The following PHIP variants were observed in gnomAD, a reference collection of about 807,000 sequenced individuals.
PHIP encodes the protein PHIP subunit of CUL4-Ring ligase complex.
Under a neutral mutation model 236.8 loss-of-function variants are expected in PHIP, and 54 were observed. The ratio of observed to expected loss-of-function variants is 0.23; its 90% CI spans 0.18 to 0.29. The LOEUF (loss-of-function observed/expected upper bound fraction) is 0.29. Among genes scored for constraint, PHIP ranks in the 10% least tolerant of loss-of-function variants. PHIP has a pLI of 1.00. For missense variants in PHIP, 1,370 were observed against 2,190.8 expected (o/e 0.63, Z 7.48); for synonymous variants, 756 against 718.9 (o/e 1.05, Z -0.83).
intron 7 of PHIP, among the ~76,000 whole-genome samples, chr6:79,033,324 C>T (rs1232756132): frequency 1.3e-5 from 2 of 152,174 alleles, no homozygotes; most frequent in Admixed American, 6.5e-5. Context: ...ATTGACTTCT[C>T]TCTAATTATG....
chr6:78,951,195 G>T (rs72902838), intron 35 of PHIP, among the ~76,000 whole-genome samples: 14,397 of 152,020 alleles, frequency 0.095, 791 homozygotes, highest in Middle Eastern at 0.14. Flanking sequence ...ATATAAAAAT[G>T]ATTTTTTAAA....
intron 7 of PHIP, among the ~76,000 whole-genome samples, chr6:79,038,611 C>T (rs1415861): frequency 0.93 from 141,928 of 151,946 alleles, 66,367 homozygotes; most frequent in East Asian, 1. Flanking sequence ...TCTTTTTTTT[C>T]CCCTAGCCTC....
intron 24 of PHIP, among the ~76,000 whole-genome samples, chr6:78,973,217 A>G (rs1767746567): frequency 6.6e-6 from 1 of 152,102 alleles, no homozygotes; most frequent in Non-Finnish European, 1.5e-5. Flanking sequence ...AGTGGGGGCC[A>G]ATATTCAACA....
rs768449447 is a variant in PHIP at position 78,970,913 on chromosome 6, CA to C, written c.2890-26del. On this transcript the variant is annotated intron_variant, in intron 24 of 39. Coordinates refer to ENST00000275034, the MANE Select transcript of PHIP (RefSeq NM_017934.7). ...CCTAAAAAATAAAGTCATAATCTTA[CA>C]ACCTGGATGTGTTTCCTTTAATCCA... is the stretch of plus-strand genomic sequence containing the variant. The C allele has an allele frequency of 3.3e-6, 5 of 1,492,672 alleles. No individual in the cohort carries two copies. The East Asian group carries it at 1.1e-4, about 34-fold the overall frequency. 92.5% of individuals were successfully genotyped at this position (1,492,672 alleles called of 1,614,324 possible).
chr6:79,032,253 T>C (rs1251136509), intron 7 of PHIP, among the ~76,000 whole-genome samples: 1 of 152,308 alleles, frequency 6.6e-6, no homozygotes. Flanking sequence ...TTGCTGAAGG[T>C]TGGGGTAGCT....
At chr6:79,054,176 C>CA (rs764311939) in intron 6 of PHIP, among the ~76,000 whole-genome samples, 13 of 143,760 alleles carry the variant, frequency 9.0e-5, no homozygotes, top group Non-Finnish European at 1.5e-4. Context: ...TTTTAAGAGG[C>CA]AAAAAAAAGG....
intron 17 of PHIP, among the ~76,000 whole-genome samples, chr6:78,998,777 T>C (rs1038739387): frequency 1.3e-5 from 2 of 152,150 alleles, no homozygotes; most frequent in African/African-American, 4.8e-5. Flanking sequence ...TGGTTTCTTT[T>C]AAAATGACAC....
chr6:78,970,811 T>G lies in PHIP; in HGVS notation c.2967A>C (p.Lys989Asn), dbSNP rs1361438798. 1 of 1,610,666 alleles carries G rather than the reference T, an allele frequency of 6.2e-7. No homozygotes were observed. The highest frequency in any genetic ancestry group is 2.2e-5 in the East Asian group (1 of 44,762). Residue 989 changes from lysine (K) to asparagine (N), a missense_variant, in exon 25 of 40, where the codon AAA becomes AAC. By Grantham distance (94) the Lys-to-Asn change is moderately conservative. Around this residue, in one of 14 missense-constraint regions of PHIP, gnomAD observed 238 missense variants for 398.5 expected, o/e 0.60. Coordinates refer to ENST00000275034, the MANE Select transcript of PHIP (RefSeq NM_017934.7). ...GCTCCATTTTATGCCATGGTTGTTTTTTGGGATTGATACTATATATTTTAT... is the reference window on the plus strand; with the variant it reads ...GCTCCATTTTATGCCATGGTTGTTTGTTGGGATTGATACTATATATTTTAT... Reference protein sequence around the residue: ...RKNKIYSINPKKQPWHKMELR... With the variant: ...RKNKIYSINPNKQPWHKMELR...
At chr6:79,044,054 T>C (rs1772354535) in intron 6 of PHIP, among the ~76,000 whole-genome samples, 2 of 152,148 alleles carry the variant, frequency 1.3e-5, no homozygotes, top group African/African-American at 4.8e-5. Context: ...CAATAAATGT[T>C]TGGCTCACAC....
chr6:78,980,133 T>C (rs1768413451), intron 23 of PHIP, among the ~76,000 whole-genome samples: 1 of 152,028 alleles, frequency 6.6e-6, no homozygotes, highest in Non-Finnish European at 1.5e-5. Context: ...CAGCAAATCA[T>C]GACCCTCAGG....
At chr6:79,037,147 C>T (rs1196239760) in intron 7 of PHIP, among the ~76,000 whole-genome samples, 1 of 151,798 alleles carries the variant, frequency 6.6e-6, no homozygotes, top group Admixed American at 6.6e-5. Flanking sequence ...CCTTTTTGGC[C>T]CACAAACCCA....
chr6:78,936,875 G>A lies in PHIP; in HGVS notation c.*3818C>T. ...CTTAGTAAATGTAATATTAATTTTA[G>A]TTCAGATCACTTGGAAATTAGGGGA... is the stretch of plus-strand genomic sequence containing the variant. On this transcript the variant is annotated 3_prime_UTR_variant, in exon 40 of 40. Transcript: ENST00000275034. The A allele has an allele frequency of 6.6e-6, 1 of 151,732 alleles. No individual in the cohort carries two copies. Among genetic ancestry groups the A allele is most frequent in the East Asian group, 1.9e-4 (1 of 5,184 alleles). The allele number at this position is 151,732 out of a possible 1,614,324, so 9.4% of individuals were successfully genotyped here. A position where few individuals can be genotyped will look rare whatever the true frequency, so the allele number is the denominator to read the frequency against.
chr6:79,072,152 G>C (rs1305379150), intron 4 of PHIP, among the ~76,000 whole-genome samples: 1 of 152,316 alleles, frequency 6.6e-6, no homozygotes, highest in East Asian at 1.9e-4. Flanking sequence ...TGTGATGGTT[G>C]TAAATCTCAC....
At chr6:78,956,677 C>G (rs1222948398) in intron 32 of PHIP, 1 of 152,174 alleles carries the variant, frequency 6.6e-6, no homozygotes, top group African/African-American at 2.4e-5. Context: ...TCACGCTGCT[C>G]CTTATCCCTG....
rs111686694 is a variant in PHIP at position 78,947,614 on chromosome 6, ATTAT to A, written c.4206+5_4206+8del. 6,356 of 1,309,424 alleles carry A rather than the reference ATTAT, an allele frequency of 4.9e-3. 233 individuals carry two copies. The African/African-American group carries it at 0.081, about 17-fold the overall frequency. The allele number at this position is 1,309,424 out of a possible 1,614,324, so 81.1% of individuals were successfully genotyped here. ...TCTAGTCATAAAAGAAAATAATGTA[ATTAT>A]ATACCCTTGATCTTTTGCTTGGTGT... On this transcript the variant is annotated splice_donor_5th_base_variant and intron_variant, in intron 36 of 39. Transcript: ENST00000275034.
chr6:78,998,801 T>C (rs1388974165), intron 17 of PHIP, among the ~76,000 whole-genome samples: 1 of 152,142 alleles, frequency 6.6e-6, no homozygotes. Context: ...TGATTACCCA[T>C]TTTCTTAAAA....
Position 79,020,162 on chromosome 6 carries a change from C to CT in PHIP, c.924-1004dup, listed in dbSNP as rs542749965. ...GGTGCAAAAATAATTGCGGTTTTGC[C>CT]TTTTTTTTAAAAAAAAGCTTTTTAC... On this transcript the variant is annotated intron_variant, in intron 9 of 39. Transcript: ENST00000275034. 6.9e-4 allele frequency among the ~76,000 whole-genome samples: 104 copies of CT among 150,932 alleles called. 1 individual carries two copies. In the South Asian group the frequency reaches 8.3e-3, roughly 12 times the overall value.
intron 4 of PHIP, among the ~76,000 whole-genome samples, chr6:79,075,675 T>C (rs1429308778): frequency 6.7e-6 from 1 of 148,306 alleles, no homozygotes; most frequent in Non-Finnish European, 1.5e-5. Flanking sequence ...CCTACGAGGA[T>C]TAGCCATTAC....
Position 78,975,354 on chromosome 6 carries a change from G to A in PHIP, c.2889+3238C>T, listed in dbSNP as rs563518689. Among the ~76,000 whole-genome samples, 50 of 152,248 alleles carry A rather than the reference G, an allele frequency of 3.3e-4. 1 individual carries two copies. The South Asian group carries it at 1.0e-2, about 30-fold the overall frequency. On this transcript the variant is annotated intron_variant, in intron 24 of 39. Transcript: ENST00000275034. The stretch of plus-strand genomic sequence containing the variant: ...CATGCTAAAAACTCTCAATAAATTA[G>A]GTATTGATGGGACATATTTCAAAAT...
Sources: allele counts gnomAD v4.1 joint callset (sites outside exome capture counted in the v4.1 genomes callset), GRCh38; gene constraint gnomAD v4.1.1; regional missense constraint gnomAD v4.1.1; transcripts MANE v1.5; gene names NCBI Gene and HGNC (gene_info 2026-07-23, HGNC 2026-07-21).